Variants in CLIP2 observed in about 807,000 individuals in gnomAD.
The protein encoded by CLIP2 is CAP-Gly domain containing linker protein 2, also known as CAP-Gly domain-containing linker protein 2.
CLIP2 carries 41 observed loss-of-function variants against 111.7 expected under a neutral mutation model. The ratio of observed to expected loss-of-function variants is 0.37; its 90% CI spans 0.29 to 0.48. The LOEUF (loss-of-function observed/expected upper bound fraction) is 0.48, where lower values mean the gene tolerates loss of function less well. Ranked by LOEUF, CLIP2 falls within the 20% of genes least tolerant of loss-of-function variation. The pLI, the probability that CLIP2 is intolerant of heterozygous loss-of-function variation, is 0.99. For missense variants in CLIP2, 1,160 were observed against 1,422.1 expected (o/e 0.82, Z 2.96); for synonymous variants, 660 against 644.2 (o/e 1.02, Z -0.37).
chr7:74,328,272 CA>C (rs1181691978), intron 2 of CLIP2, among the ~76,000 whole-genome samples: 2 of 152,182 alleles, frequency 1.3e-5, no homozygotes, highest in Non-Finnish European at 2.9e-5. Context: ...GTGGAGACCC[CA>C]TTCCTTCCTT....
At chr7:74,397,268 A>G (rs782595155) in intron 14 of CLIP2, 35 bp downstream of exon 14, 5 of 1,601,770 alleles carry the variant, frequency 3.1e-6, no homozygotes, top group Non-Finnish European at 4.3e-6. Flanking sequence ...GGGCAGGGGC[A>G]CTAGTCCGGG....
intron 7 of CLIP2, among the ~76,000 whole-genome samples, chr7:74,362,964 C>G (rs1258121051): frequency 6.6e-6 from 1 of 151,852 alleles, no homozygotes; most frequent in Non-Finnish European, 1.5e-5. Flanking sequence ...CATTGCTATG[C>G]CGAGAGCTGT....
At chr7:74,398,767 C>CA (rs1791532307) in intron 14 of CLIP2, among the ~76,000 whole-genome samples, 1 of 71,200 alleles carries the variant, frequency 1.4e-5, no homozygotes, top group Non-Finnish European at 2.8e-5. Flanking sequence ...ATCTGGCTAG[C>CA]AGGGGTTGGT....
At chr7:74,302,613 C>T (rs1788370492) in intron 1 of CLIP2, among the ~76,000 whole-genome samples, 1 of 152,230 alleles carries the variant, frequency 6.6e-6, no homozygotes, top group Non-Finnish European at 1.5e-5. Flanking sequence ...GCTGCAGGTG[C>T]CAGAGAAGTT....
chr7:74,329,245 G>C (rs1789209264), intron 2 of CLIP2, among the ~76,000 whole-genome samples: 1 of 151,488 alleles, frequency 6.6e-6, no homozygotes, highest in African/African-American at 2.4e-5. Flanking sequence ...TTATTTTATA[G>C]AGACAAAGTC....
intron 8 of CLIP2, among the ~76,000 whole-genome samples, chr7:74,366,020 A>T (rs1392980163): frequency 1.3e-5 from 2 of 151,892 alleles, no homozygotes; most frequent in African/African-American, 4.8e-5. Context: ...GGTTCAAGCA[A>T]TCCTGCCTCA....
chr7:74,316,804 C>T (rs797030710), intron 1 of CLIP2, among the ~76,000 whole-genome samples: 5 of 152,274 alleles, frequency 3.3e-5, no homozygotes, highest in African/African-American at 1.2e-4. Flanking sequence ...TCAAGTGATC[C>T]ACTCGCCTCA....
In CLIP2 at chr7:74,338,359, C is replaced by T. The variant is rs1378866991; in HGVS notation, c.122-89C>T. 2.9e-6 allele frequency: 4 copies of T among 1,387,868 alleles called. No homozygotes were observed. The African/African-American group carries it at 4.4e-5, about 15-fold the overall frequency. The allele number at this position is 1,387,868 out of a possible 1,614,324, so 86.0% of individuals were successfully genotyped here. A position where few individuals can be genotyped will look rare whatever the true frequency, so the allele number is the denominator to read the frequency against. ...TCTACCCAAAAATACAAATCAGCCA[C>T]CTCCCAACCCTAGACTCTGTGCTCC... On this transcript the variant is annotated intron_variant, in intron 2 of 16. Transcript: ENST00000223398. The surrounding 1 kb of genome is among the most constrained non-coding windows in gnomAD (Gnocchi z 4.3).
intron 2 of CLIP2, among the ~76,000 whole-genome samples, chr7:74,329,087 GTTTT>G (rs35692014): frequency 9.0e-6 from 1 of 111,078 alleles, no homozygotes; most frequent in Non-Finnish European, 1.7e-5. Context: ...TTTTTTTTTG[GTTTT>G]TTTTTTTTTT....
Position 74,400,582 on chromosome 7 carries a change from A to G in CLIP2, c.3066+27A>G, listed in dbSNP as rs1446154616. ...TGAGCCGCGGCTGACAGGGCCCACC[A>G]GGAGGCAAGCCACGGGGCAGTGTCC... On this transcript the variant is annotated intron_variant, in intron 15 of 16. Transcript: ENST00000223398. The G allele has an allele frequency of 3.3e-6, 5 of 1,513,214 alleles. No individual in the cohort carries two copies. The Middle Eastern group carries it at 5.8e-4, about 176-fold the overall frequency. The allele number at this position is 1,513,214 out of a possible 1,614,324, so 93.7% of individuals were successfully genotyped here.
intron 13 of CLIP2, among the ~76,000 whole-genome samples, chr7:74,395,544 A>C (rs1584392432): frequency 6.6e-6 from 1 of 151,832 alleles, no homozygotes; most frequent in Non-Finnish European, 1.5e-5. Context: ...TGTCCTCCTC[A>C]GCCTCCCAAA....
intron 2 of CLIP2, among the ~76,000 whole-genome samples, chr7:74,329,382 A>T (rs1268352834): frequency 6.6e-6 from 1 of 151,914 alleles, no homozygotes; most frequent in Non-Finnish European, 1.5e-5. Flanking sequence ...TCATTCCCAG[A>T]AGCACCCGGG....
chr7:74,372,949 G>GC lies in CLIP2; in HGVS notation c.1399dup (p.His467ProfsTer52). ...TGGACCAGACCCAGACGCAGCTGGA[G>GC]CACGCGCGCATTGGGGAGCTGGAAC... is the stretch of plus-strand genomic sequence containing the variant. On this transcript the variant is annotated frameshift_variant, in exon 9 of 17. Transcript: ENST00000223398. LOFTEE classifies it high-confidence loss of function. 6.4e-7 allele frequency: 1 copy of GC among 1,569,410 alleles called. No individual in the cohort carries two copies. The highest frequency in any genetic ancestry group is 1.2e-5 in the South Asian group (1 of 86,882).
intron 1 of CLIP2, among the ~76,000 whole-genome samples, chr7:74,313,452 C>G (rs377572810): frequency 1.3e-5 from 2 of 151,244 alleles, no homozygotes; most frequent in African/African-American, 4.9e-5. Flanking sequence ...CCCAGTTACT[C>G]GGGAGGCTGA....
intron 11 of CLIP2, 56 bp from the exon 12 acceptor site, chr7:74,386,465 C>A: frequency 6.9e-7 from 1 of 1,454,590 alleles, no homozygotes; most frequent in South Asian, 1.2e-5. Context: ...TGGCCCTACC[C>A]ACTGCTGCTT....
At chr7:74,355,360 A>G (rs1264900420) in intron 4 of CLIP2, among the ~76,000 whole-genome samples, 1 of 152,190 alleles carries the variant, frequency 6.6e-6, no homozygotes, top group Non-Finnish European at 1.5e-5. Context: ...TTGTAATCCC[A>G]GCACTTTGGG....
At chr7:74,323,956 C>T (rs553763831) in intron 2 of CLIP2, among the ~76,000 whole-genome samples, 2 of 152,230 alleles carry the variant, frequency 1.3e-5, no homozygotes, top group Admixed American at 1.3e-4. Context: ...ACTGTATTTC[C>T]TTCCAGTCTT....
At chr7:74,386,249 T>G in intron 11 of CLIP2, 2 of 273,878 alleles carry the variant, frequency 7.3e-6, no homozygotes, top group East Asian at 1.2e-4. Flanking sequence ...GGTTTCACCA[T>G]GTTTGTCTTG....
intron 1 of CLIP2, among the ~76,000 whole-genome samples, chr7:74,300,364 T>G (rs1788299363): frequency 6.6e-6 from 1 of 152,156 alleles, no homozygotes; most frequent in Non-Finnish European, 1.5e-5. Flanking sequence ...TAGCTCCCAC[T>G]TAGAAGTGCA....
Sources: gnomAD v4.1 joint callset for allele counts (sites outside exome capture counted in the v4.1 genomes callset) on GRCh38, gnomAD v4.1.1 for gene constraint, Gnocchi (gnomAD v3.1) non-coding constraint, MANE v1.5 for transcripts, NCBI Gene and HGNC (gene_info 2026-07-23, HGNC 2026-07-21) for gene names.